The following PGR variants were observed in gnomAD, a reference collection of about 807,000 sequenced individuals.
The protein encoded by PGR is nuclear receptor subfamily 3 group C member 3.
PGR carries 25 observed loss-of-function variants against 76.1 expected under a neutral mutation model. The ratio of observed to expected loss-of-function variants is 0.33; its 90% CI spans 0.24 to 0.46. The LOEUF (loss-of-function observed/expected upper bound fraction) is 0.46. Among genes scored for constraint, PGR ranks in the 20% least tolerant of loss-of-function variants. PGR has a pLI of 1.00. For missense variants in PGR, 1,172 were observed against 1,225.3 expected (o/e 0.96, Z 0.65); for synonymous variants, 579 against 535.0 (o/e 1.08, Z -1.14).
chr11:101,097,297 A>G (rs1417232463), intron 2 of PGR, among the ~76,000 whole-genome samples: 1 of 152,072 alleles, frequency 6.6e-6, no homozygotes, highest in Non-Finnish European at 1.5e-5. Flanking sequence ...CTTCCAATTT[A>G]TCAACTTAAC....
rs1859388073 is a variant in PGR at position 101,032,676 on chromosome 11, A to T, written c.*6440T>A. Reference sequence around the variant, plus strand: ...TGGCTTAGCTTTGACTTTTTTCAGGATGCCTCTGCTAACCCCTAAATTCAA... The same window carrying T: ...TGGCTTAGCTTTGACTTTTTTCAGGTTGCCTCTGCTAACCCCTAAATTCAA... On this transcript the variant is annotated 3_prime_UTR_variant, in exon 8 of 8. Transcript: ENST00000325455. 4.7e-6 allele frequency: 1 copy of T among 215,030 alleles called. No individual in the cohort carries two copies. The highest frequency in any genetic ancestry group is 2.3e-5 in the African/African-American group (1 of 44,292). The allele number at this position is 215,030 out of a possible 1,614,324, so 13.3% of individuals were successfully genotyped here.
At chr11:101,073,369 G>T (rs1861012760) in intron 3 of PGR, among the ~76,000 whole-genome samples, 1 of 152,186 alleles carries the variant, frequency 6.6e-6, no homozygotes, top group Non-Finnish European at 1.5e-5. Flanking sequence ...GTCCACAGGA[G>T]AAAGTGGGAA....
intron 2 of PGR, among the ~76,000 whole-genome samples, chr11:101,093,703 C>G (rs1861749909): frequency 6.6e-6 from 1 of 152,142 alleles, no homozygotes; most frequent in Non-Finnish European, 1.5e-5. Context: ...AGGTGATCTG[C>G]CCGCCTTGGC....
At chr11:101,041,895 A>G in intron 7 of PGR, 50 bp downstream of exon 7, 1 of 1,502,596 alleles carries the variant, frequency 6.7e-7, no homozygotes, top group Non-Finnish European at 9.3e-7. Flanking sequence ...AAAAAGTTAT[A>G]GAAATTCAGA....
At chr11:101,099,677 G>A (rs533064336) in intron 2 of PGR, among the ~76,000 whole-genome samples, 1 of 152,326 alleles carries the variant, frequency 6.6e-6, no homozygotes, top group African/African-American at 2.4e-5. Flanking sequence ...CCAGAGAGAA[G>A]AGAGGTGTCT....
chr11:101,104,738 A>C (rs1862098226), intron 2 of PGR, among the ~76,000 whole-genome samples: 1 of 152,076 alleles, frequency 6.6e-6, no homozygotes, highest in South Asian at 2.1e-4. Context: ...CTTCTCAGAT[A>C]CTGCTGTGTT....
In PGR at chr11:101,129,478, G is replaced by A. The variant is rs1863030846; in HGVS notation, c.-408C>T. On this transcript the variant is annotated 5_prime_UTR_variant, in exon 1 of 8. Transcript: ENST00000325455. The stretch of plus-strand genomic sequence containing the variant: ...CTGCGACGGCAATTTAGTGACACGC[G>A]GCTCCTTTATCTCCCGACTTTTTCT... 4.1e-6 allele frequency: 1 copy of A among 244,650 alleles called. No individual in the cohort carries two copies. The highest frequency in any genetic ancestry group is 5.2e-5 in the Admixed American group (1 of 19,186). The allele number at this position is 244,650 out of a possible 1,614,324, so 15.2% of individuals were successfully genotyped here. A position where few individuals can be genotyped will look rare whatever the true frequency, so the allele number is the denominator to read the frequency against.
In PGR at chr11:101,041,723, C is replaced by T. The variant is rs149561048; in HGVS notation, c.2646+222G>A. On this transcript the variant is annotated intron_variant, in intron 7 of 7. Coordinates refer to ENST00000325455, the MANE Select transcript of PGR (RefSeq NM_000926.4). ...ATAATTTCTATCAGCTATTAAATTACCCTCACATTATACAAATACTTGTAA... is the reference window on the plus strand; with the variant it reads ...ATAATTTCTATCAGCTATTAAATTATCCTCACATTATACAAATACTTGTAA... The T allele has an allele frequency of 1.4e-3, 696 of 507,188 alleles. 5 individuals carry two copies. Among genetic ancestry groups the T allele is most frequent in the African/African-American group, 0.012 (627 of 51,780 alleles). 31.4% of individuals were successfully genotyped at this position (507,188 alleles called of 1,614,324 possible). A position where few individuals can be genotyped will look rare whatever the true frequency, so the allele number is the denominator to read the frequency against.
intron 2 of PGR, among the ~76,000 whole-genome samples, chr11:101,121,754 G>A (rs146428529): frequency 4.6e-5 from 7 of 152,276 alleles, no homozygotes; most frequent in Non-Finnish European, 7.3e-5. Flanking sequence ...AAGGTCTCTC[G>A]TTTTACTGTG....
At chr11:101,059,050 T>G (rs557889142) in intron 4 of PGR, among the ~76,000 whole-genome samples, 4 of 152,188 alleles carry the variant, frequency 2.6e-5, no homozygotes, top group African/African-American at 9.6e-5. Context: ...CTTGAAAAGG[T>G]TGAGAACCAT....
chr11:101,118,690 T>C (rs1334660198), intron 2 of PGR, among the ~76,000 whole-genome samples: 1 of 152,154 alleles, frequency 6.6e-6, no homozygotes, highest in East Asian at 1.9e-4. Flanking sequence ...AATAGGCTAT[T>C]TACATATCAC....
At chr11:101,067,193 T>A (rs1860752149) in intron 3 of PGR, among the ~76,000 whole-genome samples, 2 of 152,184 alleles carry the variant, frequency 1.3e-5, no homozygotes, top group Non-Finnish European at 2.9e-5. Context: ...TTTCCTTGGA[T>A]ATTTGCATGG....
intron 3 of PGR, among the ~76,000 whole-genome samples, chr11:101,087,485 G>T (rs1351449140): frequency 6.6e-6 from 1 of 152,038 alleles, no homozygotes; most frequent in Non-Finnish European, 1.5e-5. Flanking sequence ...AATCCTAAAA[G>T]AAAATCTAGG....
chr11:101,123,848 A>T (rs1862756238), intron 2 of PGR, among the ~76,000 whole-genome samples: 1 of 152,216 alleles, frequency 6.6e-6, no homozygotes, highest in South Asian at 2.1e-4. Flanking sequence ...TTTTATGTGC[A>T]TATGTTACCT....
intron 6 of PGR, among the ~76,000 whole-genome samples, chr11:101,049,165 G>A (rs1376345755): frequency 6.6e-6 from 1 of 151,992 alleles, no homozygotes; most frequent in Non-Finnish European, 1.5e-5. Context: ...CCTACACAGA[G>A]TCAGAATCAT....
intron 2 of PGR, among the ~76,000 whole-genome samples, chr11:101,093,519 G>A (rs1788145921): frequency 6.6e-6 from 1 of 152,094 alleles, no homozygotes; most frequent in African/African-American, 2.4e-5. Context: ...GGAAAGCAAA[G>A]GCACAGTCTC....
At chr11:101,069,381 G>A (rs185406495) in intron 3 of PGR, among the ~76,000 whole-genome samples, 2 of 152,182 alleles carry the variant, frequency 1.3e-5, no homozygotes, top group Non-Finnish European at 2.9e-5. Context: ...AGAGGATGTG[G>A]AGAAATAGGA....
chr11:101,074,672 A>G (rs578218), intron 3 of PGR, among the ~76,000 whole-genome samples: 37,373 of 152,074 alleles, frequency 0.25, 5,699 homozygotes, highest in Non-Finnish European at 0.35. Flanking sequence ...AGGCATTCCT[A>G]TACACCAATA....
chr11:101,091,320 A>G (rs1202742729), intron 3 of PGR, among the ~76,000 whole-genome samples: 1 of 152,218 alleles, frequency 6.6e-6, no homozygotes, highest in African/African-American at 2.4e-5. Flanking sequence ...AATCACTTGG[A>G]GAAGCTAGTA....
Sources: gnomAD v4.1 joint callset for allele counts (sites outside exome capture counted in the v4.1 genomes callset) on GRCh38, gnomAD v4.1.1 for gene constraint, MANE v1.5 for transcripts, NCBI Gene and HGNC (gene_info 2026-07-23, HGNC 2026-07-21) for gene names.